Variants in MACC1 observed in about 807,000 individuals in gnomAD.
MACC1 encodes MET transcriptional regulator MACC1.
A neutral mutation model predicts 70.7 loss-of-function variants in MACC1; 79 were observed. The ratio of observed to expected loss-of-function variants is 1.12; its 90% CI spans 0.93 to 1.35. The LOEUF (loss-of-function observed/expected upper bound fraction) is 1.35. Ranked by LOEUF, MACC1 falls within the 40% of genes most tolerant of loss-of-function variation. The pLI is 0.00. For synonymous variants in MACC1, 361 were observed against 347.2 expected (o/e 1.04, Z -0.44); for missense variants, 1,106 against 978.1 (o/e 1.13, Z -1.74).
At chr7:20,152,848 A>G (rs1008750603) in intron 6 of MACC1, among the ~76,000 whole-genome samples, 1 of 152,196 alleles carries the variant, frequency 6.6e-6, no homozygotes, top group African/African-American at 2.4e-5. Context: ...CTCTTTCAAA[A>G]CAGAACCTTA....
intron 6 of MACC1, among the ~76,000 whole-genome samples, chr7:20,145,243 G>T (rs1456684898): frequency 6.6e-6 from 1 of 152,154 alleles, no homozygotes; most frequent in African/African-American, 2.4e-5. Context: ...CATCAACAAT[G>T]TGGGAATATA....
chr7:20,217,100 T>C (rs1783082390), intron 1 of MACC1, among the ~76,000 whole-genome samples, 199 bp downstream of exon 1: 1 of 152,222 alleles, frequency 6.6e-6, no homozygotes. Flanking sequence ...CAAGGTATTA[T>C]TCTATTCTAT....
intron 1 of MACC1, among the ~76,000 whole-genome samples, chr7:20,194,659 T>C (rs1782723241): frequency 2.0e-5 from 3 of 152,232 alleles, no homozygotes; most frequent in African/African-American, 7.2e-5. Context: ...CATTTTGCTG[T>C]CTTCTTGCAA....
chr7:20,213,539 G>A (rs1783027910), intron 1 of MACC1, among the ~76,000 whole-genome samples: 1 of 152,204 alleles, frequency 6.6e-6, no homozygotes. Flanking sequence ...TGCCCATAAT[G>A]ATGGACTGGA....
chr7:20,151,143 A>T (rs1320674973), intron 6 of MACC1, among the ~76,000 whole-genome samples: 1 of 152,088 alleles, frequency 6.6e-6, no homozygotes, highest in Non-Finnish European at 1.5e-5. Context: ...GGCATAATCT[A>T]TATTGTTAAG....
rs1562576802 is a variant in MACC1 at position 20,138,179 on chromosome 7, A to AAAAAAAAAAAAAAAAAAAAAC, written c.*2766_*2767insGTTTTTTTTTTTTTTTTTTTT. On this transcript the variant is annotated 3_prime_UTR_variant, in exon 7 of 7. Transcript: ENST00000400331. ...AAAAAAAAAAAAAAAAAAAAAAAAA[A>AAAAAAAAAAAAAAAAAAAAAC]AAATTTCCCCTGGAAGGATTTGTTA... is the stretch of plus-strand genomic sequence containing the variant. 3 of 139,362 alleles carry AAAAAAAAAAAAAAAAAAAAAC rather than the reference A, an allele frequency of 2.2e-5. No individual in the cohort carries two copies. The highest frequency in any genetic ancestry group is 3.1e-5 in the Non-Finnish European group (2 of 64,310). 8.6% of individuals were successfully genotyped at this position (139,362 alleles called of 1,614,324 possible).
chr7:20,138,324 C>T lies in MACC1; in HGVS notation c.*2622G>A, dbSNP rs944347480. On this transcript the variant is annotated 3_prime_UTR_variant, in exon 7 of 7. Transcript: ENST00000400331. ...ATTATTCTCAATCACAATCATAATA[C>T]ATGATGCAATGTAAACCTTAAATTA... 3 of 152,028 alleles carry T rather than the reference C, an allele frequency of 2.0e-5. No individual in the cohort carries two copies. Among genetic ancestry groups the T allele is most frequent in the African/African-American group, 7.2e-5 (3 of 41,400 alleles). 9.4% of individuals were successfully genotyped at this position (152,028 alleles called of 1,614,324 possible). A position where few individuals can be genotyped will look rare whatever the true frequency, so the allele number is the denominator to read the frequency against.
intron 6 of MACC1, among the ~76,000 whole-genome samples, chr7:20,142,775 G>A (rs1385359524): frequency 6.6e-6 from 1 of 152,122 alleles, no homozygotes; most frequent in East Asian, 1.9e-4. Flanking sequence ...TATTCTGTCT[G>A]TAAAATCTCT....
In MACC1 at chr7:20,184,553, C is replaced by T. The variant is rs141202814; in HGVS notation, c.-217-13775G>A. ...GCAAAGAATTGTTATAAATTTTCAA[C>T]CTATCTAATAAATTTCTTGCATTTA... On this transcript the variant is annotated intron_variant, in intron 1 of 6. Transcript: ENST00000400331. Among the ~76,000 whole-genome samples the T allele has an allele frequency of 3.1e-4, 47 of 152,334 alleles. 3 individuals are homozygous for T. The highest frequency in any genetic ancestry group is 1.1e-3 in the African/African-American group (44 of 41,578).
chr7:20,204,127 T>C (rs1370574492), intron 1 of MACC1, among the ~76,000 whole-genome samples: 1 of 152,200 alleles, frequency 6.6e-6, no homozygotes, highest in Non-Finnish European at 1.5e-5. Flanking sequence ...AGCCTGAATT[T>C]ATTGCTCAAT....
chr7:20,194,107 C>A (rs955409784), intron 1 of MACC1, among the ~76,000 whole-genome samples: 1 of 152,108 alleles, frequency 6.6e-6, no homozygotes, highest in Non-Finnish European at 1.5e-5. Flanking sequence ...CACAGAACTA[C>A]CCACATCCTA....
intron 1 of MACC1, among the ~76,000 whole-genome samples, chr7:20,189,684 G>A (rs778139593): frequency 5.3e-4 from 81 of 151,770 alleles, no homozygotes; most frequent in Admixed American, 1.5e-3. Flanking sequence ...CTAGGCCAGC[G>A]TAGGAGCAGG....
chr7:20,194,469 G>C (rs987506477), intron 1 of MACC1, among the ~76,000 whole-genome samples: 2 of 152,128 alleles, frequency 1.3e-5, no homozygotes, highest in Non-Finnish European at 2.9e-5. Flanking sequence ...CTGCCCCCAT[G>C]GCAGATGTGT....
intron 6 of MACC1, among the ~76,000 whole-genome samples, chr7:20,150,850 C>A (rs917791077): frequency 6.6e-6 from 1 of 152,064 alleles, no homozygotes; most frequent in Non-Finnish European, 1.5e-5. Flanking sequence ...AGTTCGAGAC[C>A]AGCCTGGCCA....
chr7:20,202,139 G>A (rs1782843050), intron 1 of MACC1, among the ~76,000 whole-genome samples: 1 of 152,198 alleles, frequency 6.6e-6, no homozygotes, highest in Admixed American at 6.5e-5. Context: ...CCAGTGAATA[G>A]TTTCTTCGAC....
chr7:20,189,236 T>C (rs553519743), intron 1 of MACC1, among the ~76,000 whole-genome samples: 63 of 152,364 alleles, frequency 4.1e-4, no homozygotes, highest in African/African-American at 1.4e-3. Flanking sequence ...TTTTTCTTCA[T>C]GTTACTCACA....
At chr7:20,146,240 T>C (rs1424026335) in intron 6 of MACC1, among the ~76,000 whole-genome samples, 4 of 152,092 alleles carry the variant, frequency 2.6e-5, no homozygotes, top group Non-Finnish European at 4.4e-5. Flanking sequence ...GTAAATAGGC[T>C]AATCAGTTGT....
Position 20,158,615 on chromosome 7 carries a change from C to T in MACC1, c.1746G>A (p.Gly582=), listed in dbSNP as rs760768613. ...GACCAATAGCTTTTACCTTACCTTC[C>T]CCGAGGAGAGCTATTGTGTCCCCTT... The part of the protein sequence containing the change: ...YFKGDTIALL[G]EGKVKAIGQS... The change falls in exon 5 of 7, where the codon GGG becomes GGA. Residue 582 remains glycine, a synonymous_variant. Transcript: ENST00000400331. The T allele has an allele frequency of 4.3e-6, 7 of 1,614,008 alleles. No homozygotes were observed. The Admixed American group carries it at 1.2e-4, about 27-fold the overall frequency.
At chr7:20,212,328 A>T (rs1007197801) in intron 1 of MACC1, among the ~76,000 whole-genome samples, 3 of 152,192 alleles carry the variant, frequency 2.0e-5, no homozygotes, top group African/African-American at 7.2e-5. Flanking sequence ...TGGAAATTAA[A>T]CCTGATGTCT....
Sources: gnomAD v4.1 joint callset for allele counts (sites outside exome capture counted in the v4.1 genomes callset) on GRCh38, gnomAD v4.1.1 for gene constraint, MANE v1.5 for transcripts, NCBI Gene and HGNC (gene_info 2026-07-23, HGNC 2026-07-21) for gene names.